Variants in DPP6 observed in about 807,000 individuals in gnomAD.
The protein encoded by DPP6 is A-type potassium channel modulatory protein DPP6.
A neutral mutation model predicts 122.6 loss-of-function variants in DPP6; 69 were observed. That is an observed-to-expected ratio of 0.56 (90% CI 0.46 to 0.69). DPP6 has a LOEUF of 0.69. Among genes scored for constraint, DPP6 ranks in the 30% least tolerant of loss-of-function variants. DPP6 has a pLI of 0.00. For synonymous variants in DPP6, 418 were observed against 433.1 expected (o/e 0.97, Z 0.43); for missense variants, 928 against 1,116.9 (o/e 0.83, Z 2.41).
intron 3 of DPP6, among the ~76,000 whole-genome samples, chr7:154,517,025 C>T (rs962519865): frequency 3.3e-5 from 5 of 152,062 alleles, no homozygotes; most frequent in African/African-American, 1.2e-4. Context: ...TGAAAGCACA[C>T]CAAAATGTAG....
In DPP6 at chr7:154,760,506, T is replaced by C. The variant is rs1795469766; in HGVS notation, c.884-8911T>C. Among the ~76,000 whole-genome samples, 2 of 152,346 alleles carry C rather than the reference T, an allele frequency of 1.3e-5. No homozygotes were observed. The highest frequency in any genetic ancestry group is 4.1e-4 in the South Asian group (2 of 4,828). ...AGGTTGTTTCTATTCTTGTCTGCCA[T>C]TCTGCGAGCTCAAGAACTTCTGTTA... On this transcript the variant is annotated intron_variant, in intron 8 of 25. Transcript: ENST00000377770. The surrounding 1 kb of genome is among the most constrained non-coding windows in gnomAD (Gnocchi z 4.5).
intron 8 of DPP6, among the ~76,000 whole-genome samples, chr7:154,749,304 TGA>T (rs1174073182): frequency 7.4e-6 from 1 of 136,018 alleles, no homozygotes; most frequent in African/African-American, 2.8e-5. Context: ...GCGGCTTTAC[TGA>T]GAGAGTGTGA....
chr7:154,050,984 C>T (rs1800275066), upstream of DPP6, among the ~76,000 whole-genome samples: 1 of 146,278 alleles, frequency 6.8e-6, no homozygotes, highest in Admixed American at 6.9e-5. Context: ...CACCGGCATC[C>T]AGTATTCTCC....
chr7:154,276,257 G>A (rs1048716898), intron 1 of DPP6, among the ~76,000 whole-genome samples: 6 of 152,146 alleles, frequency 3.9e-5, no homozygotes, highest in African/African-American at 1.4e-4. Context: ...ATTGCTAACT[G>A]ATTTTTCCCA....
At chr7:154,051,395 C>G (rs1225949658), upstream of DPP6, among the ~76,000 whole-genome samples, 1 of 149,708 alleles carries the variant, frequency 6.7e-6, no homozygotes, top group Non-Finnish European at 1.5e-5. Context: ...TGCCCAGCAA[C>G]TCCAGAAGGA....
chr7:154,382,414 C>T (rs1813706596), intron 1 of DPP6, among the ~76,000 whole-genome samples: 1 of 152,184 alleles, frequency 6.6e-6, no homozygotes, highest in Non-Finnish European at 1.5e-5. Flanking sequence ...AACTTTAGAA[C>T]TTGTTGTCAA....
chr7:154,393,365 T>C (rs1204593626), intron 1 of DPP6, among the ~76,000 whole-genome samples: 2 of 152,244 alleles, frequency 1.3e-5, no homozygotes, highest in African/African-American at 4.8e-5. Flanking sequence ...TAGTGCAAAC[T>C]GAGCCTGGTA....
chr7:154,180,647 G>GT (rs527910014), intron 1 of DPP6, among the ~76,000 whole-genome samples: 7 of 150,916 alleles, frequency 4.6e-5, no homozygotes, highest in East Asian at 1.9e-4. Flanking sequence ...TGAATATCCC[G>GT]TTTTTTTACT....
At chr7:153,751,286 C>G in the DPP6 span, among the ~76,000 whole-genome samples, 1 of 152,152 alleles carries the variant, frequency 6.6e-6, no homozygotes, top group Non-Finnish European at 1.5e-5. Context: ...TTACTGATTA[C>G]TGGTGTAGCA....
At chr7:154,177,214 C>T (rs376483113) in intron 1 of DPP6, among the ~76,000 whole-genome samples, 1 of 152,128 alleles carries the variant, frequency 6.6e-6, no homozygotes. Flanking sequence ...TAGGCAGGTG[C>T]TGGCTACGGA....
intron 8 of DPP6, among the ~76,000 whole-genome samples, chr7:154,736,127 G>A (rs1296139764): frequency 6.6e-6 from 1 of 152,246 alleles, no homozygotes. Flanking sequence ...ACAACACAAA[G>A]TGTATGCCCT....
the DPP6 span, among the ~76,000 whole-genome samples, chr7:153,808,442 C>CGT: frequency 4.9e-3 from 746 of 151,218 alleles, 20 homozygotes; most frequent in Admixed American, 0.041. Context: ...TGTGTGTGTG[C>CGT]GTGTGTGTGT....
chr7:154,253,119 T>C (rs1354809802), intron 1 of DPP6, among the ~76,000 whole-genome samples: 1 of 152,148 alleles, frequency 6.6e-6, no homozygotes, highest in Non-Finnish European at 1.5e-5. Flanking sequence ...GTGAGTGACA[T>C]AGAGCGATCA....
chr7:154,666,146 T>G, intron 6 of DPP6, among the ~76,000 whole-genome samples: 1 of 151,482 alleles, frequency 6.6e-6, no homozygotes, highest in Middle Eastern at 3.4e-3. Context: ...TTCTATGATA[T>G]ATAATTATAT....
chr7:154,330,775 C>T (rs1014565294), intron 1 of DPP6, among the ~76,000 whole-genome samples: 6 of 152,298 alleles, frequency 3.9e-5, no homozygotes, highest in Middle Eastern at 6.8e-3. Context: ...CGGTGTTCTG[C>T]GTCTCAGCCC....
At chr7:154,396,910 G>A (rs10259675) in intron 1 of DPP6, among the ~76,000 whole-genome samples, 16,119 of 152,120 alleles carry the variant, frequency 0.11, 1,065 homozygotes, top group African/African-American at 0.18. Flanking sequence ...GCGCCACTGC[G>A]CTCCAGCCTG....
chr7:154,806,877 T>G, intron 15 of DPP6, 117 bp from the exon 16 acceptor site: 9 of 1,355,682 alleles, frequency 6.6e-6, no homozygotes, highest in East Asian at 2.6e-5. Flanking sequence ...GCCCGGGGGG[T>G]CTGTAGCAGG....
intron 1 of DPP6, among the ~76,000 whole-genome samples, chr7:154,347,869 A>G (rs1482824716): frequency 6.6e-6 from 1 of 152,232 alleles, no homozygotes; most frequent in Non-Finnish European, 1.5e-5. Flanking sequence ...GGAGTGAACC[A>G]GCCCTGCCAA....
At chr7:153,980,211 A>G (rs182500540) in intron 1 of DPP6, among the ~76,000 whole-genome samples, 1 of 152,050 alleles carries the variant, frequency 6.6e-6, no homozygotes, top group East Asian at 1.9e-4. Context: ...TAATTACTGT[A>G]TCAATTTCCG....
Sources: gnomAD v4.1 joint callset for allele counts (sites outside exome capture counted in the v4.1 genomes callset) on GRCh38, gnomAD v4.1.1 for gene constraint, Gnocchi (gnomAD v3.1) non-coding constraint, MANE v1.5 for transcripts, NCBI Gene and HGNC (gene_info 2026-07-23, HGNC 2026-07-21) for gene names.